Variants in CSMD3 observed in about 807,000 individuals in gnomAD.
CSMD3 encodes CUB and sushi domain-containing protein 3.
CSMD3 carries 177 observed loss-of-function variants against 435.2 expected under a neutral mutation model. The observed-to-expected ratio is 0.41, with a 90% CI of 0.36 to 0.46. The LOEUF (loss-of-function observed/expected upper bound fraction) is 0.46, where lower values mean the gene tolerates loss of function less well. CSMD3 is among the 20% of genes least tolerant of loss of function. The pLI is 0.34. For missense variants in CSMD3, 4,265 were observed against 4,504.6 expected (o/e 0.95, Z 1.52); for synonymous variants, 1,656 against 1,520.5 (o/e 1.09, Z -2.07).
chr8:112,456,682 C>T (rs1398742956), intron 32 of CSMD3, among the ~76,000 whole-genome samples: 4 of 152,006 alleles, frequency 2.6e-5, no homozygotes, highest in Non-Finnish European at 4.4e-5. Context: ...ATATAATTAT[C>T]TCTTTTTTAT....
chr8:112,535,072 T>C lies in CSMD3; in HGVS notation c.4564+15599A>G, dbSNP rs527577649. On this transcript the variant is annotated intron_variant, in intron 27 of 70. Transcript: ENST00000297405. ...GTCTATGACAAACCCACAGCCAATA[T>C]GGGCAAAAACTGGAAGCATTCCCTT... Among the ~76,000 whole-genome samples the C allele has an allele frequency of 6.4e-4, 97 of 152,270 alleles. 1 individual carries two copies. In the South Asian group the frequency reaches 0.02, roughly 31 times the overall value.
intron 6 of CSMD3, among the ~76,000 whole-genome samples, chr8:113,010,147 C>T (rs898580749): frequency 7.3e-5 from 11 of 151,378 alleles, no homozygotes; most frequent in Admixed American, 6.6e-4. Context: ...CAAGGTGGAC[C>T]GCCCACCTTG....
intron 4 of CSMD3, among the ~76,000 whole-genome samples, chr8:113,109,434 T>A (rs550141790): frequency 5.1e-4 from 78 of 152,132 alleles, no homozygotes; most frequent in South Asian, 6.2e-4. Context: ...GATATCTGCT[T>A]CTAAAATACA....
intron 6 of CSMD3, among the ~76,000 whole-genome samples, chr8:113,004,820 T>A (rs996589905): frequency 6.6e-6 from 1 of 151,836 alleles, no homozygotes; most frequent in Admixed American, 6.6e-5. Context: ...GTTGAAATGT[T>A]TAGTAAATTT....
At chr8:113,221,368 C>A (rs1395878312) in intron 3 of CSMD3, among the ~76,000 whole-genome samples, 1 of 151,038 alleles carries the variant, frequency 6.6e-6, no homozygotes, top group Admixed American at 6.6e-5. Flanking sequence ...CACACACACA[C>A]ACACACACAC....
intron 10 of CSMD3, among the ~76,000 whole-genome samples, chr8:112,869,719 C>G (rs1257187015): frequency 6.6e-6 from 1 of 152,116 alleles, no homozygotes; most frequent in Non-Finnish European, 1.5e-5. Context: ...GGAATGAATT[C>G]TTGTCCTTTG....
intron 2 of CSMD3, chr8:113,310,692 T>C (rs1563683426): frequency 6.6e-6 from 1 of 151,906 alleles, no homozygotes; most frequent in Admixed American, 6.6e-5. Flanking sequence ...GTTGTAATAA[T>C]ATTCATTGAT....
At chr8:112,628,777 T>C (rs1292618624) in intron 22 of CSMD3, among the ~76,000 whole-genome samples, 1 of 152,150 alleles carries the variant, frequency 6.6e-6, no homozygotes, top group South Asian at 2.1e-4. Flanking sequence ...ATGCAACTCA[T>C]AGGAAAGACA....
rs749298731 is a variant in CSMD3 at position 113,045,534 on chromosome 8, G to A, written c.918-26355C>T. On this transcript the variant is annotated intron_variant, in intron 5 of 70. Coordinates refer to ENST00000297405, the MANE Select transcript of CSMD3 (RefSeq NM_198123.2). The stretch of plus-strand genomic sequence containing the variant: ...TTTCTAAATTAAAATCATTGATCCC[G>A]TTCCTCTAATTCAAACAAAAAAAAT... Among the ~76,000 whole-genome samples the A allele has an allele frequency of 1.1e-4, 16 of 148,786 alleles. 1 individual carries two copies. The highest frequency in any genetic ancestry group is 1.8e-4 in the Non-Finnish European group (12 of 66,166).
chr8:113,030,287 C>G (rs541584995), intron 5 of CSMD3, among the ~76,000 whole-genome samples: 1 of 150,040 alleles, frequency 6.7e-6, no homozygotes, highest in African/African-American at 2.4e-5. Context: ...ATCTAAAATT[C>G]ATATGGAAGC....
chr8:112,878,391 G>C (rs1185498311), intron 10 of CSMD3, among the ~76,000 whole-genome samples: 1 of 152,142 alleles, frequency 6.6e-6, no homozygotes, highest in Non-Finnish European at 1.5e-5. Context: ...CAGTTAGAAT[G>C]GCAATCATAA....
At chr8:113,080,301 C>G (rs2089508348) in intron 5 of CSMD3, among the ~76,000 whole-genome samples, 1 of 152,066 alleles carries the variant, frequency 6.6e-6, no homozygotes, top group African/African-American at 2.4e-5. Context: ...TCCATAAAAA[C>G]AATTTTTATG....
chr8:112,625,684 T>C (rs1253762877), intron 22 of CSMD3, among the ~76,000 whole-genome samples: 1 of 152,124 alleles, frequency 6.6e-6, no homozygotes, highest in Non-Finnish European at 1.5e-5. Context: ...CAAAGAGTGC[T>C]ACAAAGAGAG....
At chr8:112,945,258 C>G (rs1226283597) in intron 9 of CSMD3, among the ~76,000 whole-genome samples, 1 of 151,596 alleles carries the variant, frequency 6.6e-6, no homozygotes, top group Non-Finnish European at 1.5e-5. Flanking sequence ...CTGTCTCGTT[C>G]CCTGCCAACA....
chr8:113,048,155 C>T (rs531674965), intron 5 of CSMD3, among the ~76,000 whole-genome samples: 31 of 147,032 alleles, frequency 2.1e-4, no homozygotes, highest in African/African-American at 7.6e-4. Flanking sequence ...TGCAGTGGCG[C>T]GATCTCGGCT....
intron 5 of CSMD3, among the ~76,000 whole-genome samples, chr8:113,096,187 A>G (rs894487199): frequency 7.9e-5 from 12 of 152,162 alleles, no homozygotes; most frequent in African/African-American, 2.9e-4. Context: ...CTTCAACTAC[A>G]GATTTATTAG....
chr8:113,138,103 T>C (rs538860053), intron 4 of CSMD3, among the ~76,000 whole-genome samples: 2 of 151,624 alleles, frequency 1.3e-5, no homozygotes, highest in South Asian at 2.1e-4. Context: ...GGCAAAATCA[T>C]ACTTATTTGA....
At chr8:112,612,709 C>CTTTTTTTTTTTTTTTTT (rs532290154) in intron 22 of CSMD3, among the ~76,000 whole-genome samples, 32 of 65,890 alleles carry the variant, frequency 4.9e-4, no homozygotes, top group Non-Finnish European at 6.6e-4. Flanking sequence ...TTTCTTTGTT[C>CTTTTTTTTTTTTTTTTT]TTTTTTTTTT....
At chr8:113,363,703 C>T (rs1365212417) in intron 1 of CSMD3, among the ~76,000 whole-genome samples, 1 of 152,168 alleles carries the variant, frequency 6.6e-6, no homozygotes, top group Non-Finnish European at 1.5e-5. Context: ...TTGGATACCA[C>T]TCAGAGAATC....
Sources: allele counts gnomAD v4.1 joint callset (sites outside exome capture counted in the v4.1 genomes callset), GRCh38; gene constraint gnomAD v4.1.1; transcripts MANE v1.5; gene names NCBI Gene and HGNC (gene_info 2026-07-23, HGNC 2026-07-21).